The following ELL3 variants were observed in gnomAD, a reference collection of about 807,000 sequenced individuals.
The protein encoded by ELL3 is RNA polymerase II elongation factor ELL3.
ELL3 carries 48 observed loss-of-function variants against 58.5 expected under a neutral mutation model. That is an observed-to-expected ratio of 0.82 (90% confidence interval 0.65 to 1.04). ELL3 has a LOEUF of 1.04. Ranked by LOEUF, ELL3 falls within the 50% of genes least tolerant of loss-of-function variation. The pLI, the probability that ELL3 is intolerant of heterozygous loss-of-function variation, is 0.00. For missense variants in ELL3, 458 were observed against 478.4 expected (o/e 0.96, Z 0.40); for synonymous variants, 174 against 173.2 (o/e 1.00, Z -0.04).
chr15:43,776,797 C>A lies in ELL3; in HGVS notation c.105G>T (p.Arg35=). The A allele has an allele frequency of 2.5e-6, 4 of 1,610,076 alleles. No homozygotes were observed. Among genetic ancestry groups the A allele is most frequent in the East Asian group, 2.2e-5 (1 of 44,780 alleles). The part of the protein sequence containing the change: ...LLLRLNDAAL[R]ALQECQRQQV... Reference sequence around the variant, plus strand: ...GTTGCCGCTGACACTCTTGCAGCGCCCGCAGGGCAGCGTCGTTGAGCCTGA... The same window carrying A: ...GTTGCCGCTGACACTCTTGCAGCGCACGCAGGGCAGCGTCGTTGAGCCTGA... Residue 35 remains arginine (R), a synonymous_variant, in exon 1 of 11, where the codon CGG becomes CGT. Transcript: ENST00000319359.
chr15:43,776,939 G>A lies in ELL3; in HGVS notation c.-38C>T, dbSNP rs373658545. Reference sequence around the variant, plus strand: ...GAGTGCAAGCAGCACGGGGGCCACAGGCGAGGGCCACCACCGCCACCTCCT... The same window carrying A: ...GAGTGCAAGCAGCACGGGGGCCACAAGCGAGGGCCACCACCGCCACCTCCT... On this transcript the variant is annotated 5_prime_UTR_variant, in exon 1 of 11. Transcript: ENST00000319359. The A allele has an allele frequency of 1.2e-6, 2 of 1,603,572 alleles. No homozygotes were observed. Among genetic ancestry groups the A allele is most frequent in the Non-Finnish European group, 8.5e-7 (1 of 1,178,850 alleles).
rs1199637019 is a variant in ELL3 at position 43,776,941 on chromosome 15, C to A, written c.-40G>T. The A allele has an allele frequency of 1.2e-6, 2 of 1,602,592 alleles. No homozygotes were observed. Among genetic ancestry groups the A allele is most frequent in the Non-Finnish European group, 8.5e-7 (1 of 1,178,586 alleles). On this transcript the variant is annotated 5_prime_UTR_variant, in exon 1 of 11. Transcript: ENST00000319359. ...GTGCAAGCAGCACGGGGGCCACAGG[C>A]GAGGGCCACCACCGCCACCTCCTCT...
chr15:43,773,098 A>T lies in ELL3; in HGVS notation c.*18T>A. 6.3e-7 allele frequency: 1 copy of T among 1,581,496 alleles called. No homozygotes were observed. Among genetic ancestry groups the T allele is most frequent in the Non-Finnish European group, 8.6e-7 (1 of 1,168,216 alleles). ...TTGTGTTTCACTAAGCAGAGGCTCA[A>T]AAATTCCCTTGATAACTTCAGCTGC... On this transcript the variant is annotated 3_prime_UTR_variant, in exon 11 of 11. Transcript: ENST00000319359.
chr15:43,773,484 C>T, intron 9 of ELL3, 136 bp from the exon 10 acceptor site: 3 of 877,960 alleles, frequency 3.4e-6, no homozygotes, highest in South Asian at 3.1e-5. Flanking sequence ...GAGATCTTGA[C>T]CATCCTGGCT....
chr15:43,776,442 C>T, intron 2 of ELL3, 67 bp downstream of exon 2: 7 of 1,552,028 alleles, frequency 4.5e-6, no homozygotes, highest in Non-Finnish European at 6.1e-6. Flanking sequence ...ACCGCACCTT[C>T]CACCTCCAGC....
Position 43,774,176 on chromosome 15 carries a change from C to G in ELL3, c.1038+6G>C. On this transcript the variant is annotated splice_donor_region_variant and intron_variant, in intron 9 of 10. Transcript: ENST00000319359. The stretch of plus-strand genomic sequence containing the variant: ...GCTGGAAAGCCAGGCTGGGTCCTGT[C>G]CTTACCTTGTATTCTGGAGTTCCTC... The G allele has an allele frequency of 6.2e-7, 1 of 1,613,998 alleles. No individual in the cohort carries two copies. Among genetic ancestry groups the G allele is most frequent in the Non-Finnish European group, 8.5e-7 (1 of 1,179,914 alleles).
chr15:43,775,352 G>C lies in ELL3; in HGVS notation c.599C>G (p.Pro200Arg), dbSNP rs1221804231. 2.5e-6 allele frequency: 4 copies of C among 1,613,546 alleles called. No individual in the cohort carries two copies. Among genetic ancestry groups the C allele is most frequent in the Admixed American group, 3.3e-5 (2 of 59,988 alleles). Residue 200 changes from proline to arginine, a missense_variant, in exon 6 of 11, where the codon CCT becomes CGT. Pro to Arg is a moderately radical substitution (Grantham distance 103, BLOSUM62 -2). Coordinates refer to ENST00000319359, the MANE Select transcript of ELL3 (RefSeq NM_025165.3). ...RSQTHVPNRE[P>R]VQALPSSASR... is the part of the protein sequence containing the mutation. ...GGCAGAGGAAGGCAGTGCCTGAACA[G>C]GTTCTCTGTTTGGAACATGGGTCTG...
At chr15:43,776,245 A>C in intron 2 of ELL3, 94 bp from the exon 3 acceptor site, 1 of 1,257,066 alleles carries the variant, frequency 8.0e-7, no homozygotes, top group African/African-American at 1.5e-5. Flanking sequence ...AAGTAAGACT[A>C]AGACGGGTCC....
rs1203182536 is a variant in ELL3 at position 43,776,501 on chromosome 15, G to A, written c.168+8C>T. On this transcript the variant is annotated splice_region_variant and intron_variant, in intron 2 of 10. Coordinates refer to ENST00000319359, the MANE Select transcript of ELL3 (RefSeq NM_025165.3). ...CACCTCGCTCACACACCCTGAGCTCGCACTTACCCCTCGGTGGCCTTGGAA... is the reference window on the plus strand; with the variant it reads ...CACCTCGCTCACACACCCTGAGCTCACACTTACCCCTCGGTGGCCTTGGAA... The A allele has an allele frequency of 1.9e-6, 3 of 1,563,170 alleles. No homozygotes were observed. Among genetic ancestry groups the A allele is most frequent in the Non-Finnish European group, 2.6e-6 (3 of 1,152,492 alleles).
At chr15:43,776,258 C>CA in intron 2 of ELL3, 107 bp from the exon 3 acceptor site, 3 of 1,186,284 alleles carry the variant, frequency 2.5e-6, no homozygotes, top group Non-Finnish European at 3.6e-6. Flanking sequence ...ACGGGTCCCA[C>CA]AGGGCTTGTT....
At chr15:43,776,417 C>T in intron 2 of ELL3, 92 bp downstream of exon 2, 1 of 1,537,416 alleles carries the variant, frequency 6.5e-7, no homozygotes, top group Non-Finnish European at 8.8e-7. Flanking sequence ...TGACTACTCG[C>T]AGCCTCCGGC....
In ELL3 at chr15:43,776,950, C is replaced by G. The variant is rs987832187; in HGVS notation, c.-49G>C. The stretch of plus-strand genomic sequence containing the variant: ...GCACGGGGGCCACAGGCGAGGGCCA[C>G]CACCGCCACCTCCTCTGTTCAGGGT... On this transcript the variant is annotated 5_prime_UTR_variant, in exon 1 of 11. Coordinates refer to ENST00000319359, the MANE Select transcript of ELL3 (RefSeq NM_025165.3). 6.2e-7 allele frequency: 1 copy of G among 1,600,414 alleles called. No individual in the cohort carries two copies. Among genetic ancestry groups the G allele is most frequent in the Middle Eastern group, 1.7e-4 (1 of 6,030 alleles).
chr15:43,776,603 C>T lies in ELL3; in HGVS notation c.133-59G>A, dbSNP rs555808610. The T allele has an allele frequency of 1.4e-4, 224 of 1,552,600 alleles. No homozygotes were observed. In the Middle Eastern group the frequency reaches 1.7e-3, roughly 12 times the overall value. On this transcript the variant is annotated intron_variant, in intron 1 of 10. Coordinates refer to ENST00000319359, the MANE Select transcript of ELL3 (RefSeq NM_025165.3). ...CAGGTGAAGCAGTGTCCCCAGGATC[C>T]GGCGTCCGGAGCCCGGGATCACCTG...
In ELL3 at chr15:43,774,721, G is replaced by GTTCT; in HGVS notation, c.694_697dup (p.Thr233LysfsTer29). ...TAGGGGGCTTGGCACTAAAGGCAGAGTTCTGAACCTCTTTTCTTCCAGTTC... is the reference window on the plus strand; with the variant it reads ...TAGGGGGCTTGGCACTAAAGGCAGAGTTCTTTCTGAACCTCTTTTCTTCCAGTTC... On this transcript the variant is annotated frameshift_variant, in exon 7 of 11. Transcript: ENST00000319359. LOFTEE classifies it high-confidence loss of function. The GTTCT allele has an allele frequency of 1.2e-6, 2 of 1,613,836 alleles. No individual in the cohort carries two copies. Among genetic ancestry groups the GTTCT allele is most frequent in the East Asian group, 2.2e-5 (1 of 44,888 alleles).
intron 9 of ELL3, among the ~76,000 whole-genome samples, chr15:43,773,814 C>G (rs2086895751): frequency 1.3e-5 from 2 of 151,884 alleles, no homozygotes; most frequent in Admixed American, 6.6e-5. Flanking sequence ...CCAGCCTGGC[C>G]AACATGGTAA....
chr15:43,774,860 C>T (rs2086903141), intron 6 of ELL3, 87 bp from the exon 7 acceptor site: 2 of 1,399,150 alleles, frequency 1.4e-6, no homozygotes, highest in African/African-American at 1.5e-5. Flanking sequence ...AGGCTGGGCA[C>T]AGTGGCTCAT....
intron 9 of ELL3, 93 bp from the exon 10 acceptor site, chr15:43,773,441 T>C (rs919494127): frequency 2.1e-6 from 3 of 1,411,720 alleles, no homozygotes; most frequent in Non-Finnish European, 3.0e-6. Context: ...CCCAGCACTT[T>C]GGGCGGCTGA....
Position 43,775,755 on chromosome 15 carries a change from A to G in ELL3, c.450T>C (p.Asp150=). The G allele has an allele frequency of 6.2e-7, 1 of 1,614,138 alleles. No homozygotes were observed. The highest frequency in any genetic ancestry group is 8.5e-7 in the Non-Finnish European group (1 of 1,180,020). The stretch of plus-strand genomic sequence containing the variant: ...GTGCCATCTGTGGCTGTGATACTGC[A>G]TCTCCTTCAGAATAGCCTCCTGTGT... ...WQNTGGYSEG[D]AVSQPQMALE... Residue 150 remains aspartate, a synonymous_variant, in exon 4 of 11, where the codon GAT becomes GAC. Transcript: ENST00000319359.
At chr15:43,774,865 G>A (rs1228009117) in intron 6 of ELL3, 92 bp from the exon 7 acceptor site, 4 of 1,349,858 alleles carry the variant, frequency 3.0e-6, no homozygotes, top group Non-Finnish European at 3.9e-6. Flanking sequence ...GGGCACAGTG[G>A]CTCATACCTG....
Sources: allele counts gnomAD v4.1 joint callset (sites outside exome capture counted in the v4.1 genomes callset), GRCh38; gene constraint gnomAD v4.1.1; transcripts MANE v1.5; gene names NCBI Gene and HGNC (gene_info 2026-07-23, HGNC 2026-07-21).